Variants in CR1 observed in about 807,000 individuals in gnomAD.
The protein encoded by CR1 is complement C3b/C4b receptor 1 (Knops blood group).
Under a neutral mutation model 187.3 loss-of-function variants are expected in CR1, and 116 were observed. The observed-to-expected ratio is 0.62, with a 90% CI of 0.53 to 0.72. The LOEUF is 0.72. Ranked by LOEUF, CR1 falls within the 30% of genes least tolerant of loss-of-function variation. The probability of loss-of-function intolerance (pLI) is 0.00; values close to 1 mark genes in which losing one functional copy is unlikely to be tolerated. For missense variants in CR1, 1,731 were observed against 2,110.7 expected, an observed-to-expected ratio of 0.82 and a Z score of 3.52; for synonymous variants, 576 against 747.1, an observed-to-expected ratio of 0.77 and a Z score of 3.73.
intron 1 of CR1, among the ~76,000 whole-genome samples, chr1:207,505,356 GT>G (rs923785459): frequency 6.6e-6 from 1 of 152,054 alleles, no homozygotes; most frequent in Non-Finnish European, 1.5e-5. Flanking sequence ...GAGAGGCAGT[GT>G]TTCACCATGT....
chr1:207,635,886 G>A (rs1662798060), intron 46 of CR1, among the ~76,000 whole-genome samples: 1 of 152,202 alleles, frequency 6.6e-6, no homozygotes, highest in Admixed American at 6.5e-5. Flanking sequence ...CATCTGCACA[G>A]CCCTTAATCC....
At chr1:207,619,376 C>CAAAAA (rs67078800) in intron 42 of CR1, among the ~76,000 whole-genome samples, 83 of 92,080 alleles carry the variant, frequency 9.0e-4, no homozygotes, top group South Asian at 1.9e-3. Context: ...CAGTGAGACT[C>CAAAAA]AAAAAAAAAA....
intron 35 of CR1, among the ~76,000 whole-genome samples, chr1:207,601,103 AATC>A (rs1661592186): frequency 6.6e-6 from 1 of 152,112 alleles, no homozygotes; most frequent in African/African-American, 2.4e-5. Flanking sequence ...ACAAAGAAAA[AATC>A]ATAGAAATTA....
rs1232099294 is a variant in CR1 at position 207,511,608 on chromosome 1, C to T, written c.441C>T (p.Ile147=). 4 of 1,613,324 alleles carry T rather than the reference C, an allele frequency of 2.5e-6. No individual in the cohort carries two copies. In the African/African-American group the frequency reaches 4.0e-5, roughly 16 times the overall value. Residue 147 remains isoleucine, a synonymous_variant, in exon 4 of 47, where the codon ATC becomes ATT. Coordinates refer to ENST00000367049, the MANE Select transcript of CR1 (RefSeq NM_000651.6). ...LIGSSSATCI[I]SGDTVIWDNE... ...GTTCCTCGTCTGCCACATGCATCAT[C>T]TCAGGTGATACTGTCATTTGGGATA...
At chr1:207,582,235 G>C (rs937307898) in intron 32 of CR1, among the ~76,000 whole-genome samples, 1 of 152,194 alleles carries the variant, frequency 6.6e-6, no homozygotes, top group Non-Finnish European at 1.5e-5. Context: ...TATAAATAGA[G>C]AGAAATGCTT....
chr1:207,503,438 A>G (rs1024619152), intron 1 of CR1, among the ~76,000 whole-genome samples: 1 of 152,198 alleles, frequency 6.6e-6, no homozygotes, highest in African/African-American at 2.4e-5. Context: ...TCTAAAATAG[A>G]TCCATAGGGC....
chr1:207,611,997 T>C lies in CR1; in HGVS notation c.6531T>C (p.Leu2177=). The C allele has an allele frequency of 6.2e-7, 1 of 1,614,028 alleles. No homozygotes were observed. The highest frequency in any genetic ancestry group is 8.5e-7 in the Non-Finnish European group (1 of 1,179,896). The change falls in exon 39 of 47, where the codon CTT becomes CTC. Residue 2177 remains leucine (L), a synonymous_variant. Transcript: ENST00000367049. ...CTCATGGCCGTGTGCTACTTCCACT[T>C]AATCTCCAGCTTGGGGCAAAGGTGT... ...QLPHGRVLLP[L]NLQLGAKVSF...
At chr1:207,517,332 T>C (rs1659837246) in intron 4 of CR1, among the ~76,000 whole-genome samples, 1 of 152,110 alleles carries the variant, frequency 6.6e-6, no homozygotes, top group Non-Finnish European at 1.5e-5. Context: ...ATTGTAACAT[T>C]GATTTAATAT....
chr1:207,513,158 A>G (rs1483048086), intron 4 of CR1, among the ~76,000 whole-genome samples: 1 of 152,236 alleles, frequency 6.6e-6, no homozygotes, highest in Non-Finnish European at 1.5e-5. Flanking sequence ...CTATCCGTCT[A>G]CTTTGGTTTT....
chr1:207,622,560 G>A lies in CR1; in HGVS notation c.7277-433G>A, dbSNP rs12073268. ...AAGACCACAGAATGGGGTAGCCTGG[G>A]TCTACTTATCTGTGGAGACTGTGCA... is the stretch of plus-strand genomic sequence containing the variant. On this transcript the variant is annotated intron_variant, in intron 44 of 46. Coordinates refer to ENST00000367049, the MANE Select transcript of CR1 (RefSeq NM_000651.6). Among the ~76,000 whole-genome samples, 965 of 152,294 alleles carry A rather than the reference G, an allele frequency of 6.3e-3. 9 individuals are homozygous for A. The highest frequency in any genetic ancestry group is 0.022 in the African/African-American group (896 of 41,562).
chr1:207,625,377 C>T (rs529636896), intron 45 of CR1, among the ~76,000 whole-genome samples: 4 of 152,304 alleles, frequency 2.6e-5, no homozygotes, highest in East Asian at 3.9e-4. Flanking sequence ...GGGATGTAAA[C>T]CTCCCAAACA....
intron 4 of CR1, among the ~76,000 whole-genome samples, chr1:207,518,622 G>A (rs1324847549): frequency 1.3e-5 from 2 of 152,170 alleles, no homozygotes; most frequent in African/African-American, 4.8e-5. Context: ...CTCTCTCCAG[G>A]CTTCCTTCCA....
At chr1:207,511,522 T>C (rs1302871082) in intron 3 of CR1, 47 bp from the exon 4 acceptor site, 12 of 1,574,536 alleles carry the variant, frequency 7.6e-6, no homozygotes, top group Non-Finnish European at 1.0e-5. Context: ...AATTGGGTAG[T>C]TGACCTGTGT....
chr1:207,597,608 C>T (rs1486192201), intron 35 of CR1, among the ~76,000 whole-genome samples: 2 of 151,938 alleles, frequency 1.3e-5, no homozygotes, highest in East Asian at 1.9e-4. Context: ...AAGGTGTTGG[C>T]GAGGATGTGG....
At chr1:207,601,695 T>C (rs1444775425) in intron 35 of CR1, among the ~76,000 whole-genome samples, 3 of 152,218 alleles carry the variant, frequency 2.0e-5, no homozygotes, top group Non-Finnish European at 4.4e-5. Context: ...TTGTGTTTAT[T>C]GGCCATTTGT....
At chr1:207,629,697 TA>T (rs1202206709) in intron 45 of CR1, among the ~76,000 whole-genome samples, 1 of 152,210 alleles carries the variant, frequency 6.6e-6, no homozygotes, top group Non-Finnish European at 1.5e-5. Flanking sequence ...AACTCATACA[TA>T]AAATCTCCAG....
chr1:207,500,228 T>C (rs1572982757), intron 1 of CR1, among the ~76,000 whole-genome samples: 1 of 152,246 alleles, frequency 6.6e-6, no homozygotes, highest in East Asian at 1.9e-4. Flanking sequence ...ATTTAAAATA[T>C]TTATTTTATC....
chr1:207,502,081 C>A (rs1410082697), intron 1 of CR1, among the ~76,000 whole-genome samples: 1 of 152,078 alleles, frequency 6.6e-6, no homozygotes, highest in Non-Finnish European at 1.5e-5. Context: ...AGTAATTCTT[C>A]ATTTTTTGTT....
At chr1:207,635,650 C>A (rs947882278) in intron 46 of CR1, among the ~76,000 whole-genome samples, 1 of 152,160 alleles carries the variant, frequency 6.6e-6, no homozygotes, top group Admixed American at 6.5e-5. Flanking sequence ...TTCCTCAGCG[C>A]AGACCCTTTA....
Sources: allele counts gnomAD v4.1 joint callset (sites outside exome capture counted in the v4.1 genomes callset), GRCh38; gene constraint gnomAD v4.1.1; transcripts MANE v1.5; gene names NCBI Gene and HGNC (gene_info 2026-07-23, HGNC 2026-07-21).